CFAP299: variants seen among roughly 807,000 people sequenced by gnomAD.
CFAP299 encodes cilia and flagella associated protein 299.
A neutral mutation model predicts 27.0 loss-of-function variants in CFAP299; 21 were observed. The observed-to-expected ratio is 0.78, with a 90% CI of 0.55 to 1.12. CFAP299 has a LOEUF of 1.12. CFAP299 is among the 50% of genes most tolerant of loss of function. CFAP299 has a pLI of 0.00. For synonymous variants in CFAP299, 104 were observed against 98.1 expected (o/e 1.06, Z -0.36); for missense variants, 310 against 276.6 (o/e 1.12, Z -0.86).
rs1352350795 is a variant in CFAP299 at position 80,367,311 on chromosome 4, G to A, written c.242+4427G>A. Among the ~76,000 whole-genome samples, 4 of 152,118 alleles carry A rather than the reference G, an allele frequency of 2.6e-5. No homozygotes were observed. The South Asian group carries it at 6.2e-4, about 24-fold the overall frequency. ...ACAAAGTCAAGATTTGTGAGGGGAC[G>A]TGAAGAATAAGAAAAGTTCTTCTTA... is the stretch of plus-strand genomic sequence containing the variant. On this transcript the variant is annotated intron_variant, in intron 2 of 5. Transcript: ENST00000358105.
chr4:80,924,512 TTA>T (rs1477865481), intron 4 of CFAP299, among the ~76,000 whole-genome samples: 2 of 126,486 alleles, frequency 1.6e-5, no homozygotes, highest in African/African-American at 7.7e-5. Flanking sequence ...TGACAATTCA[TTA>T]TGTGTGTGTG....
chr4:80,363,085 T>C (rs902873661), intron 2 of CFAP299, among the ~76,000 whole-genome samples: 2 of 152,232 alleles, frequency 1.3e-5, no homozygotes, highest in African/African-American at 4.8e-5. Flanking sequence ...TTCAAGCTAC[T>C]AATTTGAAAT....
At chr4:80,710,943 G>T (rs1722126733) in intron 3 of CFAP299, among the ~76,000 whole-genome samples, 1 of 152,106 alleles carries the variant, frequency 6.6e-6, no homozygotes, top group South Asian at 2.1e-4. Context: ...ATGGGCCCAG[G>T]TAAACCTCCA....
chr4:80,825,748 A>C (rs1247884426), intron 3 of CFAP299, among the ~76,000 whole-genome samples: 1 of 151,948 alleles, frequency 6.6e-6, no homozygotes, highest in East Asian at 1.9e-4. Context: ...TTATTAAGGG[A>C]GTCCTGGAGA....
At chr4:80,834,313 C>G (rs1327624976) in intron 3 of CFAP299, among the ~76,000 whole-genome samples, 1 of 152,148 alleles carries the variant, frequency 6.6e-6, no homozygotes, top group Non-Finnish European at 1.5e-5. Flanking sequence ...AGGCAGTAGT[C>G]TCCTCATCTG....
chr4:80,468,003 G>A (rs1729791969), intron 2 of CFAP299, among the ~76,000 whole-genome samples: 1 of 152,064 alleles, frequency 6.6e-6, no homozygotes, highest in South Asian at 2.1e-4. Context: ...TGACCTGTGG[G>A]GATTATGGGG....
intron 3 of CFAP299, among the ~76,000 whole-genome samples, chr4:80,725,791 T>C (rs1723126037): frequency 6.6e-6 from 1 of 152,220 alleles, no homozygotes; most frequent in African/African-American, 2.4e-5. Context: ...CTGATCCTCG[T>C]GCTTGACTGA....
chr4:80,880,580 G>A (rs556638374), intron 4 of CFAP299, among the ~76,000 whole-genome samples: 3 of 152,054 alleles, frequency 2.0e-5, no homozygotes, highest in Admixed American at 6.5e-5. Context: ...AAAAAAATTA[G>A]CCAGATGTGG....
intron 3 of CFAP299, among the ~76,000 whole-genome samples, chr4:80,588,150 T>G (rs371365522): frequency 4.0e-5 from 6 of 151,158 alleles, no homozygotes; most frequent in East Asian, 3.9e-4. Flanking sequence ...ATACATTTCC[T>G]TCCCCATTCC....
At chr4:80,893,672 A>G (rs1285603969) in intron 4 of CFAP299, among the ~76,000 whole-genome samples, 2 of 151,886 alleles carry the variant, frequency 1.3e-5, no homozygotes, top group Non-Finnish European at 2.9e-5. Flanking sequence ...TGCAAAAAAA[A>G]AAAGAAATTG....
intron 3 of CFAP299, among the ~76,000 whole-genome samples, chr4:80,777,736 C>G (rs1726636074): frequency 6.6e-6 from 1 of 152,166 alleles, no homozygotes; most frequent in Non-Finnish European, 1.5e-5. Flanking sequence ...TTTAGTGTGA[C>G]AATCCTATTT....
chr4:80,565,928 AG>A (rs1256221178), intron 2 of CFAP299, among the ~76,000 whole-genome samples: 1 of 152,032 alleles, frequency 6.6e-6, no homozygotes, highest in Non-Finnish European at 1.5e-5. Context: ...TCATACAGGG[AG>A]TGTTAACTGA....
In CFAP299 at chr4:80,557,222, A is replaced by G. The variant is rs147971562; in HGVS notation, c.243-25871A>G. Reference sequence around the variant, plus strand: ...CTAACCTTGTAACTCAAAATTGGCTATTGCAATCTTATGTACCCACCTCTT... The same window carrying G: ...CTAACCTTGTAACTCAAAATTGGCTGTTGCAATCTTATGTACCCACCTCTT... On this transcript the variant is annotated intron_variant, in intron 2 of 5. Transcript: ENST00000358105. Among the ~76,000 whole-genome samples the G allele has an allele frequency of 3.9e-3, 597 of 152,178 alleles. 1 individual carries two copies. Among genetic ancestry groups the G allele is most frequent in the Admixed American group, 0.014 (217 of 15,246 alleles).
chr4:80,440,052 T>G (rs1728281843), intron 2 of CFAP299, among the ~76,000 whole-genome samples: 1 of 152,144 alleles, frequency 6.6e-6, no homozygotes, highest in Non-Finnish European at 1.5e-5. Flanking sequence ...GCAGCCCCCA[T>G]CAGGGGCTTA....
intron 2 of CFAP299, among the ~76,000 whole-genome samples, chr4:80,447,196 C>T (rs539082215): frequency 0.014 from 1,658 of 121,704 alleles, 30 homozygotes; most frequent in African/African-American, 0.052. Context: ...AGTGCAGTGG[C>T]GGGATCTCGG....
chr4:80,602,863 A>G (rs149242517), intron 3 of CFAP299, among the ~76,000 whole-genome samples: 131 of 152,236 alleles, frequency 8.6e-4, no homozygotes, highest in Non-Finnish European at 1.4e-3. Flanking sequence ...CTGCTGGAAC[A>G]CTGGCCATGT....
chr4:80,757,269 A>G (rs965494540), intron 3 of CFAP299, among the ~76,000 whole-genome samples: 10 of 152,152 alleles, frequency 6.6e-5, no homozygotes, highest in African/African-American at 1.7e-4. Flanking sequence ...AAAATGTAAG[A>G]TATTTGATAA....
chr4:80,689,760 G>C (rs1025796887), intron 3 of CFAP299, among the ~76,000 whole-genome samples: 1 of 152,158 alleles, frequency 6.6e-6, no homozygotes, highest in Non-Finnish European at 1.5e-5. Context: ...ATTGGATAAG[G>C]AGTCAAGACC....
chr4:80,784,803 A>C (rs766388307), intron 3 of CFAP299, among the ~76,000 whole-genome samples: 5 of 152,166 alleles, frequency 3.3e-5, no homozygotes, highest in Non-Finnish European at 5.9e-5. Context: ...GATTACAGGC[A>C]TGAGCCACCA....
Sources: gnomAD v4.1 joint callset for allele counts (sites outside exome capture counted in the v4.1 genomes callset) on GRCh38, gnomAD v4.1.1 for gene constraint, MANE v1.5 for transcripts, NCBI Gene and HGNC (gene_info 2026-07-23, HGNC 2026-07-21) for gene names.